The following ALDH2 variants were observed in gnomAD, a reference collection of about 807,000 sequenced individuals.
ALDH2 encodes aldehyde dehydrogenase, mitochondrial.
In ALDH2, 44 loss-of-function variants were observed where a neutral mutation model predicts 59.6. That is an observed-to-expected ratio of 0.74 (90% CI 0.58 to 0.95). The LOEUF (loss-of-function observed/expected upper bound fraction) is 0.95, where lower values mean the gene tolerates loss of function less well. Ranked by LOEUF, ALDH2 falls within the 40% of genes least tolerant of loss-of-function variation. The probability of loss-of-function intolerance (pLI) is 0.00; values close to 1 mark genes in which losing one functional copy is unlikely to be tolerated. For missense variants in ALDH2, 570 were observed against 696.3 expected, an observed-to-expected ratio of 0.82 and a Z score of 2.04; for synonymous variants, 291 against 284.0, an observed-to-expected ratio of 1.02 and a Z score of -0.25.
At chr12:111,787,465 C>T (rs1183528260) in intron 4 of ALDH2, among the ~76,000 whole-genome samples, 1 of 152,192 alleles carries the variant, frequency 6.6e-6, no homozygotes, top group Non-Finnish European at 1.5e-5. Context: ...AGGGAGGACC[C>T]TGAGTGGCTG....
chr12:111,774,098 G>A (rs2068219554), intron 1 of ALDH2, among the ~76,000 whole-genome samples: 1 of 152,120 alleles, frequency 6.6e-6, no homozygotes, highest in African/African-American at 2.4e-5. Context: ...AACCGCGCCT[G>A]TCTGGCAAAC....
Position 111,792,125 on chromosome 12 carries a change from G to C in ALDH2, c.860G>C (p.Gly287Ala), listed in dbSNP as rs776421832. ...CTCAAGAGAGTGACCTTGGAGCTGG[G>C]GGGGAAGAGCCCCAACATCATCATG... ...SNLKRVTLELGGKSPNIIMSD... is the reference protein window; with the variant it reads ...SNLKRVTLELAGKSPNIIMSD... The change falls in exon 8 of 13, where the codon GGG (glycine) becomes GCG (alanine). Residue 287 changes from glycine (G) to alanine (A), a missense_variant. Gly to Ala is a moderately conservative substitution (Grantham distance 60). Coordinates refer to ENST00000261733, the MANE Select transcript of ALDH2 (RefSeq NM_000690.4). 2.2e-5 allele frequency: 35 copies of C among 1,607,892 alleles called. No individual in the cohort carries two copies. The highest frequency in any genetic ancestry group is 8.7e-5 in the Admixed American group (5 of 57,442).
chr12:111,802,829 G>A (rs1198742413), intron 11 of ALDH2, among the ~76,000 whole-genome samples: 8 of 148,202 alleles, frequency 5.4e-5, no homozygotes, highest in South Asian at 2.1e-4. Flanking sequence ...GCGGTGAGCC[G>A]AGATCGCACC....
At chr12:111,790,405 A>T in intron 5 of ALDH2, 29 bp from the exon 6 acceptor site, 1 of 1,612,816 alleles carries the variant, frequency 6.2e-7, no homozygotes, top group Non-Finnish European at 8.5e-7. Flanking sequence ...GGAAGCTTGG[A>T]TTTCGAGGGC....
chr12:111,804,070 T>C lies in ALDH2; in HGVS notation c.1521+97T>C, dbSNP rs946163512. 1.3e-5 allele frequency: 7 copies of C among 551,610 alleles called. No homozygotes were observed. The East Asian group carries it at 2.0e-4, about 16-fold the overall frequency. The allele number at this position is 551,610 out of a possible 1,614,324, so 34.2% of individuals were successfully genotyped here. A position where few individuals can be genotyped will look rare whatever the true frequency, so the allele number is the denominator to read the frequency against. ...TGGGGGATTGGGGTCTGTTGGGGGC[T>C]CGGGGCCTGCCAGAGGTTCAGGACC... On this transcript the variant is annotated intron_variant, in intron 12 of 12. Transcript: ENST00000261733.
chr12:111,798,712 A>T (rs962239091), intron 10 of ALDH2, among the ~76,000 whole-genome samples: 13 of 152,024 alleles, frequency 8.6e-5, no homozygotes, highest in African/African-American at 2.2e-4. Flanking sequence ...TTTTAAAAAA[A>T]TTTTTTAGTA....
At chr12:111,777,572 C>G (rs1172249416) in intron 1 of ALDH2, among the ~76,000 whole-genome samples, 1 of 152,162 alleles carries the variant, frequency 6.6e-6, no homozygotes, top group East Asian at 1.9e-4. Flanking sequence ...AGGATGCCTA[C>G]TCAATGGCTG....
chr12:111,805,345 G>A (rs1410921007), intron 12 of ALDH2, among the ~76,000 whole-genome samples: 1 of 152,102 alleles, frequency 6.6e-6, no homozygotes, highest in African/African-American at 2.4e-5. Context: ...GGTTGAGCAG[G>A]CCTTTCCAGG....
In ALDH2 at chr12:111,809,854, G is replaced by A. The variant is rs1199107693; in HGVS notation, c.*279G>A. 2 of 493,088 alleles carry A rather than the reference G, an allele frequency of 4.1e-6. No individual in the cohort carries two copies. The highest frequency in any genetic ancestry group is 3.6e-6 in the Non-Finnish European group (1 of 276,128). The allele number at this position is 493,088 out of a possible 1,614,324, so 30.5% of individuals were successfully genotyped here. A position where few individuals can be genotyped will look rare whatever the true frequency, so the allele number is the denominator to read the frequency against. On this transcript the variant is annotated 3_prime_UTR_variant, in exon 13 of 13. Transcript: ENST00000261733. ...AAATGTGTTATCCTCTCTCTGAAAC[G>A]CTTCCTATAACTCGAGTTTATAGGG...
chr12:111,788,668 C>T (rs889290131), intron 4 of ALDH2, among the ~76,000 whole-genome samples: 2 of 152,094 alleles, frequency 1.3e-5, no homozygotes, highest in Non-Finnish European at 1.5e-5. Flanking sequence ...TGGCAACCCC[C>T]TAGCTAGCTT....
chr12:111,791,915 G>C, intron 7 of ALDH2, 146 bp from the exon 8 acceptor site: 1 of 655,124 alleles, frequency 1.5e-6, no homozygotes, highest in East Asian at 2.8e-5. Flanking sequence ...GAAAAAAAAA[G>C]TGAACGTCTA....
chr12:111,793,440 G>C (rs1347985609), intron 9 of ALDH2, among the ~76,000 whole-genome samples: 1 of 152,062 alleles, frequency 6.6e-6, no homozygotes, highest in African/African-American at 2.4e-5. Context: ...TGAACGTACA[G>C]AGGGTGCCCA....
At chr12:111,798,592 TG>T (rs147110184) in intron 10 of ALDH2, among the ~76,000 whole-genome samples, 2,357 of 152,246 alleles carry the variant, frequency 0.015, 72 homozygotes, top group African/African-American at 0.053. Context: ...TGGAGTGCAG[TG>T]GCATAATCAT....
chr12:111,798,022 G>T, intron 9 of ALDH2, 56 bp from the exon 10 acceptor site: 1 of 1,604,922 alleles, frequency 6.2e-7, no homozygotes, highest in East Asian at 2.2e-5. Flanking sequence ...TAAGCCTGAA[G>T]CCTAGGAGAG....
At chr12:111,792,959 T>C (rs1420182921) in intron 9 of ALDH2, among the ~76,000 whole-genome samples, 177 bp downstream of exon 9, 1 of 152,050 alleles carries the variant, frequency 6.6e-6, no homozygotes, top group African/African-American at 2.4e-5. Flanking sequence ...TCCCGAGCCG[T>C]GCCCTGCCTC....
chr12:111,807,004 C>T lies in ALDH2; in HGVS notation c.1522-2539C>T, dbSNP rs556990090. 6.4e-4 allele frequency among the ~76,000 whole-genome samples: 95 copies of T among 149,230 alleles called. 1 individual carries two copies. The highest frequency in any genetic ancestry group is 1.2e-3 in the Non-Finnish European group (81 of 67,296). On this transcript the variant is annotated intron_variant, in intron 12 of 12. Coordinates refer to ENST00000261733, the MANE Select transcript of ALDH2 (RefSeq NM_000690.4). ...CAAACAGACCGGGCATGGTGGCTCA[C>T]GCCTGTAATCCCAGCACTTTGGGAG...
At chr12:111,783,042 G>C (rs2068284469) in intron 2 of ALDH2, 116 bp from the exon 3 acceptor site, 2 of 1,355,220 alleles carry the variant, frequency 1.5e-6, no homozygotes, top group Non-Finnish European at 1.0e-6. Flanking sequence ...TTACGGGGCA[G>C]GTTTTCTGTG....
At chr12:111,805,399 A>G (rs938939555) in intron 12 of ALDH2, among the ~76,000 whole-genome samples, 1 of 151,902 alleles carries the variant, frequency 6.6e-6, no homozygotes, top group African/African-American at 2.4e-5. Context: ...ATCACAGCTC[A>G]CTGCAGCCTC....
chr12:111,797,465 G>A (rs1034765105), intron 9 of ALDH2, among the ~76,000 whole-genome samples: 4 of 152,256 alleles, frequency 2.6e-5, no homozygotes, highest in African/African-American at 7.2e-5. Flanking sequence ...GCCCAGCGTA[G>A]GGGTGCATGC....
Sources: gnomAD v4.1 joint callset for allele counts (sites outside exome capture counted in the v4.1 genomes callset) on GRCh38, gnomAD v4.1.1 for gene constraint, MANE v1.5 for transcripts, NCBI Gene and HGNC (gene_info 2026-07-23, HGNC 2026-07-21) for gene names.